Variants in UBE3B observed in about 807,000 individuals in gnomAD.
UBE3B encodes the protein ubiquitin-protein ligase E3B.
UBE3B carries 80 observed loss-of-function variants against 132.3 expected under a neutral mutation model. The ratio of observed to expected loss-of-function variants is 0.60; its 90% CI spans 0.50 to 0.73. The LOEUF (loss-of-function observed/expected upper bound fraction) is 0.73. Ranked by LOEUF, UBE3B falls within the 30% of genes least tolerant of loss-of-function variation. UBE3B has a pLI of 0.00. For missense variants in UBE3B, 1,196 were observed against 1,362.5 expected, an observed-to-expected ratio of 0.88 and a Z score of 1.92; for synonymous variants, 487 against 520.4, an observed-to-expected ratio of 0.94 and a Z score of 0.87.
chr12:109,525,916 C>A (rs962990738), intron 23 of UBE3B, among the ~76,000 whole-genome samples: 17 of 152,180 alleles, frequency 1.1e-4, no homozygotes, highest in Non-Finnish European at 1.3e-4. Flanking sequence ...GAGACTCTTT[C>A]CCGAGTCTCC....
At chr12:109,489,432 G>A (rs897928151) in intron 7 of UBE3B, among the ~76,000 whole-genome samples, 2 of 152,140 alleles carry the variant, frequency 1.3e-5, no homozygotes, top group Non-Finnish European at 2.9e-5. Context: ...AGTGAAGAGC[G>A]GGGATGAAAC....
Position 109,488,598 on chromosome 12 carries a change from C to T in UBE3B, c.474C>T (p.Leu158=), listed in dbSNP as rs376690658. The part of the protein sequence containing the change: ...LKPEILQDSR[L]ITLYLTMLVT... Reference sequence around the variant, plus strand: ...CTGAAATCCTGCAGGACTCCCGACTCATCACCCTGTACCTCACGATGCTTG... The same window carrying T: ...CTGAAATCCTGCAGGACTCCCGACTTATCACCCTGTACCTCACGATGCTTG... The change falls in exon 7 of 28, where the codon CTC becomes CTT. Residue 158 remains leucine (L), a synonymous_variant. Transcript: ENST00000342494. 6.2e-7 allele frequency: 1 copy of T among 1,614,098 alleles called. No individual in the cohort carries two copies. Among genetic ancestry groups the T allele is most frequent in the African/African-American group, 1.3e-5 (1 of 74,948 alleles).
At chr12:109,516,640 A>AT in intron 18 of UBE3B, 125 bp from the exon 19 acceptor site, 1 of 1,447,354 alleles carries the variant, frequency 6.9e-7, no homozygotes, top group Non-Finnish European at 9.3e-7. Context: ...CTGGTAGCAC[A>AT]TGTTAAGGCA....
At chr12:109,490,824 TG>T in intron 8 of UBE3B, 3 of 1,292,912 alleles carry the variant, frequency 2.3e-6, no homozygotes, top group South Asian at 3.7e-5. Flanking sequence ...TTTGTTTTTT[TG>T]TTTTTTTTTT....
At chr12:109,499,343 A>G (rs1487406044) in intron 11 of UBE3B, among the ~76,000 whole-genome samples, 5 of 152,200 alleles carry the variant, frequency 3.3e-5, no homozygotes, top group African/African-American at 1.2e-4. Flanking sequence ...TCATCCTCAT[A>G]TGGAGAGTAG....
chr12:109,524,486 G>A lies in UBE3B; in HGVS notation c.2551G>A (p.Glu851Lys), dbSNP rs748985642. The change falls in exon 23 of 28, where the codon GAG becomes AAG. Residue 851 changes from glutamate to lysine, a missense_variant. Coordinates refer to ENST00000342494, the MANE Select transcript of UBE3B (RefSeq NM_130466.4). ...TDLGLTLSYD[E>K]DVMGQLVCHE... ...CCTGGGCCTGACGCTGTCTTACGAC[G>A]AGGACGTCATGGGTCAGGTAGGTCC... is the stretch of plus-strand genomic sequence containing the variant. The A allele has an allele frequency of 6.8e-6, 11 of 1,614,052 alleles. No homozygotes were observed. The highest frequency in any genetic ancestry group is 2.2e-5 in the East Asian group (1 of 44,846).
At chr12:109,541,102 T>C (rs1341138180), downstream of UBE3B, among the ~76,000 whole-genome samples, 3 of 152,210 alleles carry the variant, frequency 2.0e-5, no homozygotes, top group African/African-American at 7.2e-5. Flanking sequence ...CACTGCTGCA[T>C]CCCTCAGACC....
chr12:109,545,623 C>T, the UBE3B span, among the ~76,000 whole-genome samples: 1 of 152,150 alleles, frequency 6.6e-6, no homozygotes. Flanking sequence ...AGCCCTCACT[C>T]GGTTTGAGCA....
intron 2 of UBE3B, among the ~76,000 whole-genome samples, chr12:109,482,473 C>G (rs75953308): frequency 0.03 from 4,518 of 152,226 alleles, 227 homozygotes; most frequent in African/African-American, 0.099. Context: ...ATAGATGGCC[C>G]CTAGTTCTAG....
In UBE3B at chr12:109,522,166, G is replaced by A. The variant is rs976740577; in HGVS notation, c.2364+615G>A. Among the ~76,000 whole-genome samples the A allele has an allele frequency of 6.6e-6, 1 of 152,166 alleles. No individual in the cohort carries two copies. The highest frequency in any genetic ancestry group is 1.5e-5 in the Non-Finnish European group (1 of 68,038). ...AGAAAAGCCACATTCCTGGGTTGCC[G>A]TTAATGGTAAGTGAGGAGGGCCTTC... On this transcript the variant is annotated intron_variant, in intron 21 of 27. Transcript: ENST00000342494. This position sits in a 1 kb window ranked among gnomAD's most constrained non-coding sequence, Gnocchi z 4.2.
At chr12:109,493,572 A>G (rs565293860) in intron 9 of UBE3B, among the ~76,000 whole-genome samples, 1 of 152,352 alleles carries the variant, frequency 6.6e-6, no homozygotes, top group South Asian at 2.1e-4. Context: ...AGGCTACTCT[A>G]AAGCCTTTTT....
chr12:109,538,424 C>A (rs1333066308), downstream of UBE3B, among the ~76,000 whole-genome samples: 1 of 152,182 alleles, frequency 6.6e-6, no homozygotes, highest in Non-Finnish European at 1.5e-5. The surrounding 1 kb of genome is among the most constrained non-coding windows in gnomAD (Gnocchi z 4.1). Context: ...GTGAGCAAAC[C>A]CCAACCCTCC....
At chr12:109,537,172 C>G (rs919489116), downstream of UBE3B, among the ~76,000 whole-genome samples, 3 of 152,152 alleles carry the variant, frequency 2.0e-5, no homozygotes, top group Admixed American at 2.0e-4. Context: ...CAAAAGTGAT[C>G]AACGGATGTT....
At chr12:109,489,862 T>A in intron 7 of UBE3B, 57 bp from the exon 8 acceptor site, 1 of 1,515,708 alleles carries the variant, frequency 6.6e-7, no homozygotes, top group Non-Finnish European at 9.2e-7. Flanking sequence ...CTGTCCCACA[T>A]AAACAGGTCA....
chr12:109,535,363 T>A lies in UBE3B; in HGVS notation c.*581T>A, dbSNP rs1322584172. 1 of 152,270 alleles carries A rather than the reference T, an allele frequency of 6.6e-6. No homozygotes were observed. Among genetic ancestry groups the A allele is most frequent in the Non-Finnish European group, 1.5e-5 (1 of 68,072 alleles). 9.4% of individuals were successfully genotyped at this position (152,270 alleles called of 1,614,324 possible). On this transcript the variant is annotated 3_prime_UTR_variant, in exon 28 of 28. Coordinates refer to ENST00000342494, the MANE Select transcript of UBE3B (RefSeq NM_130466.4). ...AAGCGCAGGCGCCTGCTAGGGACGC[T>A]ATGGACACCGTGAGTCCAAGGCGCT...
Position 109,499,817 on chromosome 12 carries a change from C to A in UBE3B, c.1118+7C>A, listed in dbSNP as rs1267743970. On this transcript the variant is annotated splice_region_variant and intron_variant, in intron 12 of 27. Transcript: ENST00000342494. ...CCCAATCTGTGGATTATGGGTGAGTCCCAGATGCAAATCACTGTCTTTCCT... is the reference window on the plus strand; with the variant it reads ...CCCAATCTGTGGATTATGGGTGAGTACCAGATGCAAATCACTGTCTTTCCT... The A allele has an allele frequency of 1.3e-6, 2 of 1,572,608 alleles. No individual in the cohort carries two copies. Among genetic ancestry groups the A allele is most frequent in the Non-Finnish European group, 8.7e-7 (1 of 1,156,034 alleles).
At chr12:109,538,872 C>A (rs946597423), downstream of UBE3B, among the ~76,000 whole-genome samples, 1 of 152,254 alleles carries the variant, frequency 6.6e-6, no homozygotes, top group African/African-American at 2.4e-5. The surrounding 1 kb of genome is among the most constrained non-coding windows in gnomAD (Gnocchi z 4.1). Context: ...CGTTTCCAGG[C>A]CCCTGTGGCC....
chr12:109,529,004 C>CA (rs1197966853), intron 24 of UBE3B, among the ~76,000 whole-genome samples: 1 of 151,806 alleles, frequency 6.6e-6, no homozygotes, highest in African/African-American at 2.4e-5. Flanking sequence ...ACTAGAAATA[C>CA]AAAAAAATTA....
At chr12:109,507,483 T>C in intron 14 of UBE3B, 81 bp from the exon 15 acceptor site, 1 of 1,473,318 alleles carries the variant, frequency 6.8e-7, no homozygotes, top group Non-Finnish European at 9.2e-7. Flanking sequence ...TTTAAGTGTT[T>C]TGTTTCCCCA....
Sources: allele counts gnomAD v4.1 joint callset (sites outside exome capture counted in the v4.1 genomes callset), GRCh38; gene constraint gnomAD v4.1.1; non-coding constraint Gnocchi (gnomAD v3.1); transcripts MANE v1.5; gene names NCBI Gene and HGNC (gene_info 2026-07-23, HGNC 2026-07-21).